Variants in ATP2C1 observed in about 807,000 individuals in gnomAD.
ATP2C1 encodes the protein ATPase secretory pathway Ca2+ transporting 1, also known as calcium-transporting ATPase type 2C member 1.
ATP2C1 carries 31 observed loss-of-function variants against 120.5 expected under a neutral mutation model. The ratio of observed to expected loss-of-function variants is 0.26; its 90% CI spans 0.19 to 0.35. The LOEUF is 0.35. Ranked by LOEUF, ATP2C1 falls within the 10% of genes least tolerant of loss-of-function variation. ATP2C1 has a pLI of 1.00. For missense variants in ATP2C1, 731 were observed against 1,107.5 expected (o/e 0.66, Z 4.83); for synonymous variants, 351 against 358.7 (o/e 0.98, Z 0.24).
downstream of ATP2C1, among the ~76,000 whole-genome samples, chr3:131,006,734 C>T (rs899568123): frequency 6.6e-5 from 10 of 150,514 alleles, no homozygotes; most frequent in Non-Finnish European, 1.5e-4. Context: ...GTGATCATGG[C>T]TCACTGCAGC....
intron 26 of ATP2C1, 80 bp downstream of exon 26, chr3:130,998,469 T>C: frequency 9.1e-7 from 1 of 1,097,648 alleles, no homozygotes; most frequent in Non-Finnish European, 1.4e-6. Flanking sequence ...GCAAAGATTA[T>C]GGGTTTTTAG....
At chr3:130,899,372 T>C (rs1221159699) in intron 2 of ATP2C1, 3 of 152,200 alleles carry the variant, frequency 2.0e-5, no homozygotes, top group Non-Finnish European at 4.4e-5. Context: ...ATATACTGTA[T>C]TCTTGCAATA....
chr3:130,989,813 T>C (rs183260469), intron 20 of ATP2C1, among the ~76,000 whole-genome samples: 1 of 152,364 alleles, frequency 6.6e-6, no homozygotes, highest in African/African-American at 2.4e-5. Context: ...CAAACACTTG[T>C]TATATTTCAG....
intron 9 of ATP2C1, 50 bp from the exon 10 acceptor site, chr3:130,954,962 G>C: frequency 3.0e-6 from 4 of 1,317,324 alleles, no homozygotes; most frequent in Non-Finnish European, 4.4e-6. Context: ...TATGTGTTTT[G>C]GTTTACATTT....
At chr3:130,941,256 G>GTC (rs1559951757) in intron 7 of ATP2C1, among the ~76,000 whole-genome samples, 2 of 144,164 alleles carry the variant, frequency 1.4e-5, no homozygotes, top group Non-Finnish European at 1.5e-5. Flanking sequence ...GTGTGTGTGT[G>GTC]TGTGTGTGTC....
chr3:130,875,643 C>G (rs543026614), intron 1 of ATP2C1, among the ~76,000 whole-genome samples: 2 of 152,108 alleles, frequency 1.3e-5, no homozygotes, highest in South Asian at 4.1e-4. Context: ...GATAGGTACC[C>G]GGTAGTGCTG....
At chr3:130,895,632 G>GT (rs1347038346) in intron 2 of ATP2C1, among the ~76,000 whole-genome samples, 1 of 152,072 alleles carries the variant, frequency 6.6e-6, no homozygotes, top group Non-Finnish European at 1.5e-5. Flanking sequence ...ACAAATGACA[G>GT]TTTTTTCCTC....
At chr3:130,853,163 T>C (rs1486605024) in intron 1 of ATP2C1, among the ~76,000 whole-genome samples, 1 of 152,216 alleles carries the variant, frequency 6.6e-6, no homozygotes, top group African/African-American at 2.4e-5. Flanking sequence ...CCATTGTCAT[T>C]AGCCGTAAGT....
intron 26 of ATP2C1, 96 bp downstream of exon 26, chr3:130,998,485 C>A: frequency 1.0e-6 from 1 of 959,514 alleles, no homozygotes; most frequent in Non-Finnish European, 1.7e-6. Flanking sequence ...TTTAGCTTTG[C>A]TTAATTTTGT....
chr3:130,890,141 G>A (rs193039696), upstream of ATP2C1, among the ~76,000 whole-genome samples: 278 of 152,306 alleles, frequency 1.8e-3, 6 homozygotes, highest in Non-Finnish European at 1.9e-3. Context: ...TTTGGGGCCA[G>A]AGGTGAATTA....
At chr3:130,907,814 G>T (rs2058206977) in intron 2 of ATP2C1, among the ~76,000 whole-genome samples, 1 of 148,086 alleles carries the variant, frequency 6.8e-6, no homozygotes, top group African/African-American at 2.5e-5. Context: ...GTCCATTTCT[G>T]TTAAAAAGGC....
At chr3:130,916,088 A>C (rs2058675169) in intron 2 of ATP2C1, among the ~76,000 whole-genome samples, 1 of 152,082 alleles carries the variant, frequency 6.6e-6, no homozygotes, top group Non-Finnish European at 1.5e-5. Flanking sequence ...CCTTTTAGAG[A>C]TCCTCATGGA....
At chr3:130,937,377 A>G (rs748077192) in intron 5 of ATP2C1, 51 bp from the exon 6 acceptor site, 31 of 1,471,702 alleles carry the variant, frequency 2.1e-5, no homozygotes, top group Non-Finnish European at 2.9e-5. Flanking sequence ...TACAGTTAAC[A>G]GTTACTTCTC....
At position 130,894,666 on chromosome 3, in the gene ATP2C1, G is replaced by T. The variant is rs1043363164; in HGVS notation, c.-104G>T. 6 of 1,610,912 alleles carry T rather than the reference G, an allele frequency of 3.7e-6. No homozygotes were observed. The South Asian group carries it at 4.4e-5, about 12-fold the overall frequency. The stretch of plus-strand genomic sequence containing the variant: ...GGGGGTGACAGCCTGGGATTCCGGG[G>T]GCTTCTCTTCCTTGTCCTCCTCCTC... On this transcript the variant is annotated 5_prime_UTR_variant, in exon 2 of 28. Transcript: ENST00000510168. This position sits in a 1 kb window ranked among gnomAD's most constrained non-coding sequence, Gnocchi z 4.5.
chr3:130,851,040 A>C, intron 1 of ATP2C1: 1 of 511,372 alleles, frequency 2.0e-6, no homozygotes, highest in South Asian at 7.9e-5. Context: ...GGTACAGGTC[A>C]GATCCTGCTT....
chr3:130,894,259 T>C lies in ATP2C1; in HGVS notation c.-259T>C. ...GCTGCCCCGCGAGCAGCTCCTCTTC[T>C]CCCGAGGCGCGCGGGGCGCCCCCGC... is the stretch of plus-strand genomic sequence containing the variant. On this transcript the variant is annotated 5_prime_UTR_variant, in exon 1 of 28. Transcript: ENST00000510168. This position sits in a 1 kb window ranked among gnomAD's most constrained non-coding sequence, Gnocchi z 4.5. 2 of 983,768 alleles carry C rather than the reference T, an allele frequency of 2.0e-6. No homozygotes were observed. The highest frequency in any genetic ancestry group is 2.4e-6 in the Non-Finnish European group (2 of 829,762). 60.9% of individuals were successfully genotyped at this position (983,768 alleles called of 1,614,324 possible).
At chr3:130,992,213 T>G (rs995008656) in intron 20 of ATP2C1, among the ~76,000 whole-genome samples, 14 of 152,048 alleles carry the variant, frequency 9.2e-5, no homozygotes, top group South Asian at 8.3e-4. Context: ...GTGGTACTAT[T>G]TGAGGAGGTT....
chr3:130,921,607 A>G (rs2058970399), intron 2 of ATP2C1, among the ~76,000 whole-genome samples: 1 of 151,890 alleles, frequency 6.6e-6, no homozygotes, highest in South Asian at 2.1e-4. Context: ...TACAGTCTTT[A>G]TTATGTTACT....
At chr3:130,889,570 C>A (rs2760253), upstream of ATP2C1, among the ~76,000 whole-genome samples, 121 of 151,814 alleles carry the variant, frequency 8.0e-4, no homozygotes, top group Admixed American at 2.1e-3. Flanking sequence ...AGGACTTATT[C>A]CCATTCAGAT....
Sources: allele counts gnomAD v4.1 joint callset (sites outside exome capture counted in the v4.1 genomes callset), GRCh38; gene constraint gnomAD v4.1.1; non-coding constraint Gnocchi (gnomAD v3.1); transcripts MANE v1.5; gene names NCBI Gene and HGNC (gene_info 2026-07-23, HGNC 2026-07-21).